SLC22A5: variants seen among roughly 807,000 people sequenced by gnomAD.
SLC22A5 encodes organic cation/carnitine transporter 2.
Under a neutral mutation model 56.7 loss-of-function variants are expected in SLC22A5, and 44 were observed. The ratio of observed to expected loss-of-function variants is 0.78; its 90% CI spans 0.61 to 1.00. The LOEUF (loss-of-function observed/expected upper bound fraction) is 1.00, where lower values mean the gene tolerates loss of function less well. Among genes scored for constraint, SLC22A5 ranks in the 50% least tolerant of loss-of-function variants. The pLI is 0.00. For synonymous variants in SLC22A5, 278 were observed against 292.1 expected (o/e 0.95, Z 0.49); for missense variants, 675 against 723.0 (o/e 0.93, Z 0.76).
At chr5:132,377,538 C>T (rs1170382766) in intron 1 of SLC22A5, 2 of 152,396 alleles carry the variant, frequency 1.3e-5, no homozygotes. Context: ...CAGGCGCAGC[C>T]AGATCCAAGC....
chr5:132,394,391 T>C lies in SLC22A5; in HGVS notation c.*119T>C. On this transcript the variant is annotated 3_prime_UTR_variant, in exon 10 of 10. Coordinates refer to ENST00000245407, the MANE Select transcript of SLC22A5 (RefSeq NM_003060.4). ...GCCTTTGCTGTTTGTCCTCTTGACC[T>C]GTGTCTGACTTGCTCCTGGATGGGC... The C allele has an allele frequency of 1.2e-6, 1 of 821,344 alleles. No individual in the cohort carries two copies. The highest frequency in any genetic ancestry group is 2.2e-6 in the Non-Finnish European group (1 of 463,952). The allele number at this position is 821,344 out of a possible 1,614,324, so 50.9% of individuals were successfully genotyped here. A position where few individuals can be genotyped will look rare whatever the true frequency, so the allele number is the denominator to read the frequency against.
chr5:132,393,562 T>G, intron 8 of SLC22A5, 114 bp from the exon 9 acceptor site: 39 of 1,270,260 alleles, frequency 3.1e-5, no homozygotes, highest in Non-Finnish European at 4.0e-5. Context: ...GTGAGAGATG[T>G]GAGACCAAGA....
intron 7 of SLC22A5, among the ~76,000 whole-genome samples, chr5:132,391,567 G>T (rs1338411030): frequency 6.6e-6 from 1 of 152,150 alleles, no homozygotes; most frequent in African/African-American, 2.4e-5. Context: ...AATGGCAAAG[G>T]CAGCGACCCT....
At chr5:132,375,757 G>A (rs899252396) in intron 1 of SLC22A5, among the ~76,000 whole-genome samples, 3 of 152,200 alleles carry the variant, frequency 2.0e-5, no homozygotes, top group Non-Finnish European at 2.9e-5. Flanking sequence ...AGGAAGAGGG[G>A]CAAGTCTAGG....
intron 2 of SLC22A5, chr5:132,378,959 C>A (rs1279075797): frequency 5.2e-6 from 1 of 193,098 alleles, no homozygotes; most frequent in Non-Finnish European, 1.1e-5. Flanking sequence ...GTATGAAAAG[C>A]AGAACTCTTT....
In SLC22A5 at chr5:132,394,902, G is replaced by A; in HGVS notation, c.*630G>A. On this transcript the variant is annotated 3_prime_UTR_variant, in exon 10 of 10. Transcript: ENST00000245407. ...AGCTCTTAAGACCACTCAGCATGAC[G>A]ACTGAGTAGACTTGTTTACATCTGA... is the stretch of plus-strand genomic sequence containing the variant. 1 of 154,490 alleles carries A rather than the reference G, an allele frequency of 6.5e-6. No individual in the cohort carries two copies. Among genetic ancestry groups the A allele is most frequent in the South Asian group, 2.0e-4 (1 of 4,970 alleles). The allele number at this position is 154,490 out of a possible 1,614,324, so 9.6% of individuals were successfully genotyped here.
At chr5:132,386,327 A>C (rs1259699698) in intron 4 of SLC22A5, among the ~76,000 whole-genome samples, 2 of 150,856 alleles carry the variant, frequency 1.3e-5, no homozygotes, top group African/African-American at 4.9e-5. Flanking sequence ...TCCCCAGTTC[A>C]AGCGATTCTC....
chr5:132,385,598 C>T (rs936583044), intron 4 of SLC22A5, 99 bp downstream of exon 4: 4 of 969,470 alleles, frequency 4.1e-6, no homozygotes, highest in Non-Finnish European at 6.6e-6. Flanking sequence ...TATTTTGTCT[C>T]CCAGAGACAG....
At chr5:132,384,079 C>T in intron 2 of SLC22A5, 68 bp from the exon 3 acceptor site, 2 of 1,510,712 alleles carry the variant, frequency 1.3e-6, no homozygotes, top group Non-Finnish European at 9.2e-7. Context: ...GAGAAAGCCC[C>T]ACTTGGTGGA....
At position 132,385,427 on chromosome 5, in the gene SLC22A5, A is replaced by G; in HGVS notation, c.752A>G (p.Tyr251Cys). 1.2e-6 allele frequency: 2 copies of G among 1,614,072 alleles called. No homozygotes were observed. Among genetic ancestry groups the G allele is most frequent in the East Asian group, 4.5e-5 (2 of 44,894 alleles). Residue 251 changes from tyrosine to cysteine, a missense_variant, in exon 4 of 10, where the codon TAC becomes TGC. Transcript: ENST00000245407. ...FGYMVLPLFAYFIRDWRMLLV... is the reference protein window; with the variant it reads ...FGYMVLPLFACFIRDWRMLLV... ...TACATGGTGCTGCCACTGTTTGCTT[A>G]CTTCATCCGAGACTGGCGGATGCTG...
chr5:132,380,979 G>GA (rs1407928370), intron 2 of SLC22A5: 1 of 152,180 alleles, frequency 6.6e-6, no homozygotes, highest in Non-Finnish European at 1.5e-5. Flanking sequence ...GCTATGCTTA[G>GA]AGGCCACCTG....
chr5:132,386,677 CAT>C (rs1318182416), intron 4 of SLC22A5, among the ~76,000 whole-genome samples: 1 of 152,166 alleles, frequency 6.6e-6, no homozygotes, highest in African/African-American at 2.4e-5. Flanking sequence ...CCTGGGCTGA[CAT>C]AGACATGCAC....
intron 1 of SLC22A5, among the ~76,000 whole-genome samples, chr5:132,374,429 G>C (rs1752059000): frequency 6.6e-6 from 1 of 152,136 alleles, no homozygotes; most frequent in African/African-American, 2.4e-5. Flanking sequence ...TATCCCCAAA[G>C]CTGCCTGGAG....
At position 132,394,389 on chromosome 5, in the gene SLC22A5, C is replaced by G; in HGVS notation, c.*117C>G. The stretch of plus-strand genomic sequence containing the variant: ...AGGCCTTTGCTGTTTGTCCTCTTGA[C>G]CTGTGTCTGACTTGCTCCTGGATGG... On this transcript the variant is annotated 3_prime_UTR_variant, in exon 10 of 10. Coordinates refer to ENST00000245407, the MANE Select transcript of SLC22A5 (RefSeq NM_003060.4). 2 of 839,526 alleles carry G rather than the reference C, an allele frequency of 2.4e-6. No homozygotes were observed. Among genetic ancestry groups the G allele is most frequent in the South Asian group, 2.7e-5 (2 of 74,084 alleles). The allele number at this position is 839,526 out of a possible 1,614,324, so 52.0% of individuals were successfully genotyped here.
intron 7 of SLC22A5, among the ~76,000 whole-genome samples, chr5:132,391,150 TG>T: frequency 6.6e-6 from 1 of 152,328 alleles, no homozygotes; most frequent in Admixed American, 6.5e-5. Context: ...CCCAAGTTAA[TG>T]TGCTCATACT....
chr5:132,370,215 C>T lies in SLC22A5; in HGVS notation c.243C>T (p.Cys81=), dbSNP rs769914988. 3 of 1,586,750 alleles carry T rather than the reference C, an allele frequency of 1.9e-6. No individual in the cohort carries two copies. Among genetic ancestry groups the T allele is most frequent in the Non-Finnish European group, 2.6e-6 (3 of 1,166,948 alleles). The change falls in exon 1 of 10, where the codon TGC becomes TGT. Residue 81 remains cysteine (C), a synonymous_variant. Coordinates refer to ENST00000245407, the MANE Select transcript of SLC22A5 (RefSeq NM_003060.4). ...ACGGCCGCGAGGTGCCCCACAGCTGCCGCCGCTACCGGCTCGCCACCATCG... is the reference window on the plus strand; with the variant it reads ...ACGGCCGCGAGGTGCCCCACAGCTGTCGCCGCTACCGGCTCGCCACCATCG... The part of the protein sequence containing the change: ...LRDGREVPHS[C]RRYRLATIAN...
rs754506497 is a variant in SLC22A5, at chr5:132,390,761, A to G, written c.1124A>G (p.Asn375Ser). The change falls in exon 7 of 10, where the codon AAC becomes AGC. Residue 375 changes from asparagine (N) to serine (S), a missense_variant. Coordinates refer to ENST00000245407, the MANE Select transcript of SLC22A5 (RefSeq NM_003060.4). ...AACTTGCATGGGGACATCTTTGTGA[A>G]CTGCTTCCTTTCAGCGATGGTTGAA... ...TPNLHGDIFV[N>S]CFLSAMVEVP... 1 of 1,614,210 alleles carries G rather than the reference A, an allele frequency of 6.2e-7. No individual in the cohort carries two copies. Among genetic ancestry groups the G allele is most frequent in the East Asian group, 2.2e-5 (1 of 44,884 alleles).
At chr5:132,370,407 G>T (rs920186147) in intron 1 of SLC22A5, 42 bp downstream of exon 1, 5 of 1,602,360 alleles carry the variant, frequency 3.1e-6, no homozygotes, top group Non-Finnish European at 4.3e-6. Context: ...AGGGCTCGGA[G>T]GACCTGTCGC....
In SLC22A5 at chr5:132,385,651, T is replaced by C; in HGVS notation, c.824+152T>C. 4.0e-6 allele frequency: 3 copies of C among 745,228 alleles called. No homozygotes were observed. In the South Asian group the frequency reaches 4.6e-5, roughly 12 times the overall value. 46.2% of individuals were successfully genotyped at this position (745,228 alleles called of 1,614,324 possible). On this transcript the variant is annotated intron_variant, in intron 4 of 9. Coordinates refer to ENST00000245407, the MANE Select transcript of SLC22A5 (RefSeq NM_003060.4). ...TTATTTCAGAATGTTTTCTCCACAC[T>C]CAAAAGAGCCAAAACAAAACAGAAT...
Sources: gnomAD v4.1 joint callset for allele counts (sites outside exome capture counted in the v4.1 genomes callset) on GRCh38, gnomAD v4.1.1 for gene constraint, MANE v1.5 for transcripts, NCBI Gene and HGNC (gene_info 2026-07-23, HGNC 2026-07-21) for gene names.